CPNE4: variants seen among roughly 807,000 people sequenced by gnomAD.
CPNE4 encodes copine-4.
Under a neutral mutation model 67.9 loss-of-function variants are expected in CPNE4, and 25 were observed. That is an observed-to-expected ratio of 0.37 (90% CI 0.27 to 0.51). The LOEUF (loss-of-function observed/expected upper bound fraction) is 0.51. Among genes scored for constraint, CPNE4 ranks in the 20% least tolerant of loss-of-function variants. CPNE4 has a pLI of 0.93. For missense variants in CPNE4, 464 were observed against 690.8 expected, an observed-to-expected ratio of 0.67 and a Z score of 3.68; for synonymous variants, 242 against 244.9, an observed-to-expected ratio of 0.99 and a Z score of 0.11.
Position 131,652,097 on chromosome 3 carries a change from C to T in CPNE4, c.681+17578G>A, listed in dbSNP as rs191991454. 9.1e-4 allele frequency among the ~76,000 whole-genome samples: 138 copies of T among 152,228 alleles called. 1 individual carries two copies. The highest frequency in any genetic ancestry group is 3.1e-3 in the African/African-American group (130 of 41,534). ...AATAAATGGCTGATGAAATCATTGC[C>T]GATATGCTTTCCAAAGAAATTAGGT... On this transcript the variant is annotated intron_variant, in intron 7 of 15. Transcript: ENST00000429747.
At chr3:132,033,921 C>A (rs1358980060) in intron 1 of CPNE4, among the ~76,000 whole-genome samples, 2 of 152,248 alleles carry the variant, frequency 1.3e-5, no homozygotes, top group Non-Finnish European at 2.9e-5. Context: ...GTCCCGTCCC[C>A]TGTCCCCGTC....
At chr3:131,971,440 C>T (rs2072499355) in intron 1 of CPNE4, among the ~76,000 whole-genome samples, 2 of 152,162 alleles carry the variant, frequency 1.3e-5, no homozygotes, top group Non-Finnish European at 2.9e-5. Flanking sequence ...CATAGAACCA[C>T]AATCTCTTCA....
chr3:131,581,731 C>A, intron 8 of CPNE4, 66 bp from the exon 9 acceptor site: 1 of 1,097,024 alleles, frequency 9.1e-7, no homozygotes, highest in Non-Finnish European at 1.4e-6. Context: ...TAAGGCCAAG[C>A]TCCTAGGTGC....
intron 2 of CPNE4, among the ~76,000 whole-genome samples, chr3:131,893,390 C>T (rs550913060): frequency 6.6e-6 from 1 of 152,006 alleles, no homozygotes; most frequent in Admixed American, 6.6e-5. Flanking sequence ...GGCTTCAACA[C>T]CCAACTTTCA....
At chr3:131,593,909 G>A (rs1326187166) in intron 7 of CPNE4, among the ~76,000 whole-genome samples, 1 of 151,972 alleles carries the variant, frequency 6.6e-6, no homozygotes, top group African/African-American at 2.4e-5. Context: ...TAGTAGAGAT[G>A]GGGTTTCACC....
intron 14 of CPNE4, among the ~76,000 whole-genome samples, chr3:131,546,425 G>C (rs1935841693): frequency 1.3e-5 from 2 of 152,086 alleles, no homozygotes; most frequent in South Asian, 4.1e-4. Flanking sequence ...AAAATCAAGG[G>C]GAAAATCCTA....
intron 5 of CPNE4, among the ~76,000 whole-genome samples, chr3:131,695,993 C>A (rs2081147591): frequency 2.0e-5 from 3 of 152,110 alleles, no homozygotes; most frequent in Non-Finnish European, 2.9e-5. Context: ...TTTTGATATG[C>A]CTTTTTTCCA....
At position 131,979,774 on chromosome 3, in the gene CPNE4, T is replaced by C. The variant is rs527305017; in HGVS notation, c.-2+54793A>G. On this transcript the variant is annotated intron_variant, in intron 1 of 15. Transcript: ENST00000429747. Reference sequence around the variant, plus strand: ...TTTTTTTTTTCCTTTTTAACTTGTATTTTTGTTTTATAGGTCCTGTGTGAT... The same window carrying C: ...TTTTTTTTTTCCTTTTTAACTTGTACTTTTGTTTTATAGGTCCTGTGTGAT... 1.8e-4 allele frequency among the ~76,000 whole-genome samples: 26 copies of C among 144,178 alleles called. No homozygotes were observed. In the South Asian group the frequency reaches 5.1e-3, roughly 28 times the overall value. The allele number at this position is 144,178 out of a possible 152,430, so 94.6% of individuals were successfully genotyped here.
intron 1 of CPNE4, among the ~76,000 whole-genome samples, chr3:131,933,419 C>T (rs111912667): frequency 0.014 from 2,135 of 152,220 alleles, 49 homozygotes; most frequent in African/African-American, 0.049. Context: ...CTCCTGTGCT[C>T]TGTTGGTGAG....
intron 8 of CPNE4, 34 bp from the exon 9 acceptor site, chr3:131,581,699 A>G: frequency 6.6e-7 from 1 of 1,507,202 alleles, no homozygotes. Context: ...GAATCTGTTC[A>G]GGAAAAAGCT....
At chr3:131,848,163 C>T (rs1329163762) in intron 2 of CPNE4, among the ~76,000 whole-genome samples, 1 of 152,150 alleles carries the variant, frequency 6.6e-6, no homozygotes, top group Non-Finnish European at 1.5e-5. Context: ...ATCCTTTTAG[C>T]CTTCAAGACA....
intron 2 of CPNE4, among the ~76,000 whole-genome samples, chr3:131,738,672 A>G (rs533102870): frequency 1.3e-5 from 2 of 152,134 alleles, no homozygotes; most frequent in South Asian, 4.2e-4. Flanking sequence ...TTTGATAGCC[A>G]GAGACTGGAT....
intron 1 of CPNE4, among the ~76,000 whole-genome samples, chr3:131,940,901 A>G (rs1225028): frequency 6.6e-6 from 1 of 151,796 alleles, no homozygotes; most frequent in South Asian, 2.1e-4. Context: ...TGAATATTCA[A>G]AACAGTGCAT....
At chr3:131,922,918 A>G (rs2070779618) in intron 1 of CPNE4, among the ~76,000 whole-genome samples, 1 of 152,230 alleles carries the variant, frequency 6.6e-6, no homozygotes, top group Admixed American at 6.5e-5. Flanking sequence ...TAAAGCTCAG[A>G]TAATTTGAAA....
chr3:131,869,133 C>T (rs2087086434), intron 2 of CPNE4, among the ~76,000 whole-genome samples: 1 of 152,154 alleles, frequency 6.6e-6, no homozygotes, highest in South Asian at 2.1e-4. Context: ...ATTCTCTCAA[C>T]CCCTCCATAT....
In CPNE4 at chr3:131,792,744, T is replaced by C. The variant is rs542636693; in HGVS notation, c.181-69119A>G. 3.0e-4 allele frequency among the ~76,000 whole-genome samples: 41 copies of C among 136,156 alleles called. 3 individuals are homozygous for C. In the South Asian group the frequency reaches 9.5e-3, roughly 32 times the overall value. 89.3% of individuals were successfully genotyped at this position (136,156 alleles called of 152,430 possible). On this transcript the variant is annotated intron_variant, in intron 2 of 15. Transcript: ENST00000429747. ...GTATATATATACACGTGTGTATATATGTATATATATACACACACTATATAT... is the reference window on the plus strand; with the variant it reads ...GTATATATATACACGTGTGTATATACGTATATATATACACACACTATATAT...
intron 6 of CPNE4, among the ~76,000 whole-genome samples, chr3:131,685,659 G>A (rs1197099198): frequency 1.3e-5 from 2 of 152,158 alleles, no homozygotes; most frequent in African/African-American, 4.8e-5. Flanking sequence ...GTGGGTGCCT[G>A]TAGTCCCAGC....
intron 7 of CPNE4, among the ~76,000 whole-genome samples, chr3:131,618,046 G>T (rs572078500): frequency 1.3e-5 from 2 of 152,262 alleles, no homozygotes; most frequent in Non-Finnish European, 2.9e-5. Flanking sequence ...TTACAATTTA[G>T]TGTGTATGGG....
intron 1 of CPNE4, among the ~76,000 whole-genome samples, chr3:131,931,680 T>C (rs2071064928): frequency 6.6e-6 from 1 of 152,116 alleles, no homozygotes; most frequent in South Asian, 2.1e-4. Flanking sequence ...TCTACCTCTT[T>C]ACAACTTAGA....
Sources: gnomAD v4.1 joint callset for allele counts (sites outside exome capture counted in the v4.1 genomes callset) on GRCh38, gnomAD v4.1.1 for gene constraint, MANE v1.5 for transcripts, NCBI Gene and HGNC (gene_info 2026-07-23, HGNC 2026-07-21) for gene names.